The following PPP3CA variants were observed in gnomAD, a reference collection of about 807,000 sequenced individuals.
The protein encoded by PPP3CA is protein phosphatase 3 catalytic subunit alpha, also known as CAM-PRP catalytic subunit.
PPP3CA carries 14 observed loss-of-function variants against 66.5 expected under a neutral mutation model. The ratio of observed to expected loss-of-function variants is 0.21; its 90% CI spans 0.14 to 0.33. The LOEUF is 0.33. PPP3CA is among the 10% of genes least tolerant of loss of function. The probability of loss-of-function intolerance (pLI) is 1.00; values close to 1 mark genes in which losing one functional copy is unlikely to be tolerated. For missense variants in PPP3CA, 317 were observed against 639.5 expected (o/e 0.50, Z 5.44); for synonymous variants, 232 against 226.2 (o/e 1.03, Z -0.23).
intron 11 of PPP3CA, among the ~76,000 whole-genome samples, chr4:101,036,404 T>C (rs1404473194): frequency 8.2e-6 from 1 of 122,354 alleles, no homozygotes; most frequent in African/African-American, 3.5e-5. Flanking sequence ...TCTACATTTC[T>C]TTTTCTTTCT....
At chr4:101,085,370 T>C (rs1729619495) in intron 6 of PPP3CA, among the ~76,000 whole-genome samples, 1 of 152,190 alleles carries the variant, frequency 6.6e-6, no homozygotes, top group Non-Finnish European at 1.5e-5. Context: ...CTTACACTAT[T>C]CTTAAGAAAG....
intron 2 of PPP3CA, among the ~76,000 whole-genome samples, chr4:101,132,433 A>C (rs890523635): frequency 1.3e-5 from 2 of 152,218 alleles, no homozygotes; most frequent in Admixed American, 6.5e-5. Flanking sequence ...CACTGATCCC[A>C]CAGAAATAAA....
chr4:101,041,933 C>T (rs533250236), intron 10 of PPP3CA, among the ~76,000 whole-genome samples: 2 of 151,982 alleles, frequency 1.3e-5, no homozygotes, highest in South Asian at 2.1e-4. Flanking sequence ...TGCTCAGGGA[C>T]GGTAGTCTAT....
intron 1 of PPP3CA, among the ~76,000 whole-genome samples, chr4:101,316,281 ATTCATAATATAAT>A (rs1467397634): frequency 1.3e-5 from 2 of 151,418 alleles, no homozygotes; most frequent in Non-Finnish European, 2.9e-5. Context: ...TCTCCAATTT[ATTCATAATATAAT>A]CAAATTTTTC....
At chr4:101,316,531 C>T (rs1281899745) in intron 1 of PPP3CA, among the ~76,000 whole-genome samples, 4 of 152,042 alleles carry the variant, frequency 2.6e-5, no homozygotes, top group African/African-American at 7.2e-5. Flanking sequence ...GGTTAGAATA[C>T]AGGGAGTTGG....
Position 101,314,495 on chromosome 4 carries a change from C to T in PPP3CA, c.58+32244G>A, listed in dbSNP as rs556816963. On this transcript the variant is annotated intron_variant, in intron 1 of 13. Transcript: ENST00000394854. ...AGGAGAATGGCATGAACCTGGGAGG[C>T]GGAGCTTGCAGTGAGCAGAGATCGC... Among the ~76,000 whole-genome samples, 21 of 129,336 alleles carry T rather than the reference C, an allele frequency of 1.6e-4. No homozygotes were observed. In the South Asian group the frequency reaches 2.8e-3, roughly 17 times the overall value. The allele number at this position is 129,336 out of a possible 152,430, so 84.8% of individuals were successfully genotyped here. A position where few individuals can be genotyped will look rare whatever the true frequency, so the allele number is the denominator to read the frequency against.
At chr4:101,185,250 G>T (rs1724375611) in intron 2 of PPP3CA, among the ~76,000 whole-genome samples, 1 of 151,978 alleles carries the variant, frequency 6.6e-6, no homozygotes, top group Admixed American at 6.6e-5. Flanking sequence ...AATACTATTT[G>T]ATGAGAATTT....
chr4:101,239,871 TACA>T lies in PPP3CA; in HGVS notation c.59-43758_59-43756del, dbSNP rs751951858. Reference sequence around the variant, plus strand: ...ATGAAAAGGCATCTCACTCTTTAGATACAACAACAGTTAAAATGTAGTGCACCA... The same window carrying T: ...ATGAAAAGGCATCTCACTCTTTAGATACAACAGTTAAAATGTAGTGCACCA... On this transcript the variant is annotated intron_variant, in intron 1 of 13. Coordinates refer to ENST00000394854, the MANE Select transcript of PPP3CA (RefSeq NM_000944.5). Among the ~76,000 whole-genome samples the T allele has an allele frequency of 7.2e-5, 11 of 152,080 alleles. No homozygotes were observed. The East Asian group carries it at 1.4e-3, about 19-fold the overall frequency.
intron 1 of PPP3CA, among the ~76,000 whole-genome samples, chr4:101,228,047 A>C (rs1725839450): frequency 6.6e-6 from 1 of 151,680 alleles, no homozygotes; most frequent in African/African-American, 2.4e-5. Context: ...TCAATGATTC[A>C]AGCTACCCAA....
intron 1 of PPP3CA, among the ~76,000 whole-genome samples, chr4:101,340,390 T>C (rs1045890844): frequency 3.3e-5 from 5 of 152,174 alleles, no homozygotes; most frequent in African/African-American, 1.2e-4. Context: ...ATTTTAATAA[T>C]TTATTGCCAC....
chr4:101,202,838 T>C lies in PPP3CA; in HGVS notation c.59-6722A>G, dbSNP rs74521369. Among the ~76,000 whole-genome samples, 221 of 152,320 alleles carry C rather than the reference T, an allele frequency of 1.5e-3. No homozygotes were observed. The East Asian group carries it at 0.038, about 26-fold the overall frequency. On this transcript the variant is annotated intron_variant, in intron 1 of 13. Transcript: ENST00000394854. ...ATTTACTGGGTTTTTTTCCTGCTGC[T>C]ATGATGACTTCTTCTATCCTTGTCA...
intron 8 of PPP3CA, among the ~76,000 whole-genome samples, chr4:101,078,781 T>C (rs1233279343): frequency 1.3e-5 from 2 of 152,156 alleles, no homozygotes; most frequent in Non-Finnish European, 2.9e-5. Context: ...AAATTCTAGG[T>C]GACATCAATT....
At chr4:101,109,441 G>A (rs1721586105) in intron 2 of PPP3CA, among the ~76,000 whole-genome samples, 1 of 151,516 alleles carries the variant, frequency 6.6e-6, no homozygotes, top group Non-Finnish European at 1.5e-5. Context: ...AATGCCATGA[G>A]ATATGTTTTC....
intron 2 of PPP3CA, among the ~76,000 whole-genome samples, chr4:101,155,527 C>T (rs999738097): frequency 6.6e-6 from 1 of 152,182 alleles, no homozygotes; most frequent in Non-Finnish European, 1.5e-5. Context: ...AGCAGTATGA[C>T]TCAGAGGGTA....
chr4:101,073,830 A>G (rs1729029744), intron 8 of PPP3CA, among the ~76,000 whole-genome samples: 1 of 152,324 alleles, frequency 6.6e-6, no homozygotes, highest in Non-Finnish European at 1.5e-5. Flanking sequence ...AAAATAAAAA[A>G]GTAAAACAAC....
chr4:101,091,964 ACT>A (rs1399571450), intron 6 of PPP3CA, among the ~76,000 whole-genome samples: 1 of 151,652 alleles, frequency 6.6e-6, no homozygotes, highest in Non-Finnish European at 1.5e-5. Context: ...TTTCTCTTTC[ACT>A]CTCGCAATTT....
chr4:101,320,989 G>C lies in PPP3CA; in HGVS notation c.58+25750C>G, dbSNP rs540401212. Among the ~76,000 whole-genome samples, 6 of 152,320 alleles carry C rather than the reference G, an allele frequency of 3.9e-5. No homozygotes were observed. The East Asian group carries it at 1.2e-3, about 29-fold the overall frequency. The stretch of plus-strand genomic sequence containing the variant: ...CCACCTAAGAGGAAAGCATCACAGA[G>C]AGGTAAAGACAAGAAAAACATTGAT... On this transcript the variant is annotated intron_variant, in intron 1 of 13. Transcript: ENST00000394854.
chr4:101,232,026 C>T (rs918221824), intron 1 of PPP3CA, among the ~76,000 whole-genome samples: 12 of 151,408 alleles, frequency 7.9e-5, no homozygotes, highest in African/African-American at 2.9e-4. Context: ...ATATAAGCTC[C>T]CCAAGATCAA....
At chr4:101,200,901 C>G (rs894126440) in intron 1 of PPP3CA, among the ~76,000 whole-genome samples, 1 of 152,152 alleles carries the variant, frequency 6.6e-6, no homozygotes, top group South Asian at 2.1e-4. Flanking sequence ...GCACTTTACC[C>G]TCTATATTTA....
Sources: gnomAD v4.1 joint callset for allele counts (sites outside exome capture counted in the v4.1 genomes callset) on GRCh38, gnomAD v4.1.1 for gene constraint, MANE v1.5 for transcripts, NCBI Gene and HGNC (gene_info 2026-07-23, HGNC 2026-07-21) for gene names.